SERPINI2: variants seen among roughly 807,000 people sequenced by gnomAD.
SERPINI2 encodes the protein serpin I2.
Under a neutral mutation model 47.3 loss-of-function variants are expected in SERPINI2, and 48 were observed. The ratio of observed to expected loss-of-function variants is 1.02; its 90% CI spans 0.81 to 1.29. SERPINI2 has a LOEUF of 1.29. SERPINI2 is among the 50% of genes most tolerant of loss of function. The pLI is 0.00. For missense variants in SERPINI2, 448 were observed against 456.9 expected, an observed-to-expected ratio of 0.98 and a Z score of 0.18; for synonymous variants, 135 against 149.3, an observed-to-expected ratio of 0.90 and a Z score of 0.70.
intron 7 of SERPINI2, chr3:167,446,780 A>G (rs1221526797): frequency 5.4e-6 from 1 of 184,558 alleles, no homozygotes; most frequent in Non-Finnish European, 1.1e-5. Context: ...TATCTTTTAA[A>G]CAGTAATTTT....
intron 8 of SERPINI2, among the ~76,000 whole-genome samples, chr3:167,445,387 C>T (rs957786732): frequency 1.3e-5 from 2 of 152,102 alleles, no homozygotes; most frequent in Non-Finnish European, 2.9e-5. Flanking sequence ...TTAGTATGTG[C>T]CAGGCACAGT....
At chr3:167,463,407 G>A (rs1005952014) in intron 5 of SERPINI2, among the ~76,000 whole-genome samples, 1 of 151,846 alleles carries the variant, frequency 6.6e-6, no homozygotes, top group African/African-American at 2.4e-5. Flanking sequence ...CAGAATAACA[G>A]GGATATTTCT....
intron 2 of SERPINI2, among the ~76,000 whole-genome samples, chr3:167,470,960 G>C (rs199761936): frequency 6.6e-6 from 1 of 151,946 alleles, no homozygotes; most frequent in Non-Finnish European, 1.5e-5. Flanking sequence ...AAGCACAAAG[G>C]CCTCTGATTA....
chr3:167,449,248 G>T, intron 7 of SERPINI2, 68 bp downstream of exon 7: 1 of 1,051,442 alleles, frequency 9.5e-7, no homozygotes, highest in Non-Finnish European at 1.5e-6. Context: ...CTTCAAAAGG[G>T]TCAGCACCAT....
chr3:167,443,648 T>C (rs536454001), intron 8 of SERPINI2, among the ~76,000 whole-genome samples: 1 of 152,158 alleles, frequency 6.6e-6, no homozygotes, highest in Non-Finnish European at 1.5e-5. Context: ...GTAGTTTGTC[T>C]GGAAAAATTT....
chr3:167,452,962 C>T (rs1021592506), exon 6 of SERPINI2: 4 of 1,605,674 alleles, frequency 2.5e-6, no homozygotes, highest in Non-Finnish European at 3.4e-6. Flanking sequence ...GTCGCAGCCA[C>T]CACTAAATAT....
chr3:167,443,081 A>G (rs774549672), intron 8 of SERPINI2, among the ~76,000 whole-genome samples: 11 of 152,216 alleles, frequency 7.2e-5, no homozygotes, highest in Non-Finnish European at 1.2e-4. Context: ...CATAAACTCC[A>G]GCAGATTTTA....
At chr3:167,471,058 G>A (rs1319660791) in intron 2 of SERPINI2, among the ~76,000 whole-genome samples, 5 of 151,846 alleles carry the variant, frequency 3.3e-5, no homozygotes, top group African/African-American at 1.2e-4. Flanking sequence ...TCTTGGTCTC[G>A]TTACAGATGA....
At chr3:167,464,959 T>C (rs1235925723) in intron 5 of SERPINI2, among the ~76,000 whole-genome samples, 1 of 152,206 alleles carries the variant, frequency 6.6e-6, no homozygotes. Flanking sequence ...CATTCTAATT[T>C]TAAGACATAT....
intron 8 of SERPINI2, among the ~76,000 whole-genome samples, chr3:167,443,436 T>C (rs1749385960): frequency 1.3e-5 from 2 of 152,306 alleles, no homozygotes; most frequent in South Asian, 2.1e-4. Context: ...TGAATAATTA[T>C]AGTCAACAAT....
At chr3:167,441,997 G>A in exon 9 of SERPINI2, 1 of 757,976 alleles carries the variant, frequency 1.3e-6, no homozygotes, top group Non-Finnish European at 2.0e-6. Context: ...TACAGGCACA[G>A]TTTAAAACAG....
chr3:167,468,416 TG>T (rs1750208819), intron 2 of SERPINI2, among the ~76,000 whole-genome samples: 1 of 151,998 alleles, frequency 6.6e-6, no homozygotes, highest in Non-Finnish European at 1.5e-5. Flanking sequence ...GTTCCCTCTC[TG>T]GGGGCTGGGC....
intron 8 of SERPINI2, 33 bp from the exon 9 acceptor site, chr3:167,442,218 G>A (rs1749348733): frequency 6.9e-7 from 1 of 1,450,072 alleles, no homozygotes; most frequent in Non-Finnish European, 9.3e-7. Flanking sequence ...ATATACTTTA[G>A]GAATTTCAGG....
chr3:167,451,103 C>T (rs1326228721), intron 6 of SERPINI2, among the ~76,000 whole-genome samples: 1 of 152,060 alleles, frequency 6.6e-6, no homozygotes, highest in Non-Finnish European at 1.5e-5. Flanking sequence ...GATACTTTTC[C>T]CACTTGCTGT....
At chr3:167,474,189 A>G (rs572938097), upstream of SERPINI2, 3 of 908,964 alleles carry the variant, frequency 3.3e-6, no homozygotes, top group Non-Finnish European at 3.9e-6. Context: ...CAATCGGGTT[A>G]ATGATCAACT....
intron 8 of SERPINI2, among the ~76,000 whole-genome samples, chr3:167,442,870 C>T (rs1749365856): frequency 6.6e-6 from 1 of 152,162 alleles, no homozygotes; most frequent in Non-Finnish European, 1.5e-5. Context: ...CTAAATCAAT[C>T]AGTGTCAAAT....
chr3:167,464,498 CAG>C (rs1423302153), intron 5 of SERPINI2, among the ~76,000 whole-genome samples: 2 of 152,072 alleles, frequency 1.3e-5, no homozygotes, highest in South Asian at 4.1e-4. Flanking sequence ...TGGCCAGAAA[CAG>C]GGGAGCACAA....
intron 2 of SERPINI2, among the ~76,000 whole-genome samples, chr3:167,468,216 C>T (rs1418060649): frequency 6.6e-6 from 1 of 151,992 alleles, no homozygotes; most frequent in Non-Finnish European, 1.5e-5. Context: ...ACTTTCATAA[C>T]CTAAAATTGA....
rs535126252 is a variant in SERPINI2 at position 167,461,407 on chromosome 3, A to G, written c.866+3799T>C. 2.6e-5 allele frequency among the ~76,000 whole-genome samples: 4 copies of G among 152,288 alleles called. No individual in the cohort carries two copies. In the East Asian group the frequency reaches 7.7e-4, roughly 29 times the overall value. The stretch of plus-strand genomic sequence containing the variant: ...GAAATGGGGAATACAACTGCCAACT[A>G]TTGTTTTTGTTTCTATAAAAACGAA... On this transcript the variant is annotated intron_variant, in intron 5 of 8. Transcript: ENST00000264677.
Sources: gnomAD v4.1 joint callset for allele counts (sites outside exome capture counted in the v4.1 genomes callset) on GRCh38, gnomAD v4.1.1 for gene constraint, MANE v1.5 for transcripts, NCBI Gene and HGNC (gene_info 2026-07-23, HGNC 2026-07-21) for gene names.